CDK15: variants seen among roughly 807,000 people sequenced by gnomAD.
The protein encoded by CDK15 is cyclin dependent kinase 15.
CDK15 carries 62 observed loss-of-function variants against 60.3 expected under a neutral mutation model. The observed-to-expected ratio is 1.03, with a 90% confidence interval of 0.84 to 1.27. CDK15 has a LOEUF of 1.27. CDK15 is among the 50% of genes most tolerant of loss of function. The pLI is 0.00. For synonymous variants in CDK15, 194 were observed against 195.7 expected (o/e 0.99, Z 0.07); for missense variants, 541 against 527.8 (o/e 1.03, Z -0.25).
chr2:201,880,419 G>C lies in CDK15; in HGVS notation c.1198+252G>C, dbSNP rs940730495. On this transcript the variant is annotated intron_variant, in intron 12 of 13. Coordinates refer to ENST00000652192, the MANE Select transcript of CDK15 (RefSeq NM_001366386.2). ...ACAAGGACCTCTTTGTAATGGTCCA[G>C]ACATTTCACAGGTACACATTTACAC... Among the ~76,000 whole-genome samples, 8 of 152,336 alleles carry C rather than the reference G, an allele frequency of 5.3e-5. No homozygotes were observed. The East Asian group carries it at 1.3e-3, about 26-fold the overall frequency.
At chr2:201,875,315 G>A (rs1249890001) in intron 11 of CDK15, among the ~76,000 whole-genome samples, 2 of 152,178 alleles carry the variant, frequency 1.3e-5, no homozygotes, top group East Asian at 1.9e-4. Flanking sequence ...GGATGAGCAC[G>A]CTCTTAGGCT....
intron 10 of CDK15, among the ~76,000 whole-genome samples, chr2:201,864,981 T>G (rs1289546269): frequency 6.6e-6 from 1 of 152,042 alleles, no homozygotes; most frequent in Non-Finnish European, 1.5e-5. Flanking sequence ...GGGAACCCTG[T>G]GGGGCCAGTA....
intron 10 of CDK15, among the ~76,000 whole-genome samples, chr2:201,871,559 A>T (rs1311889253): frequency 6.6e-6 from 1 of 151,930 alleles, no homozygotes; most frequent in Non-Finnish European, 1.5e-5. Flanking sequence ...TAAGCTCTGC[A>T]GAGGTAGTGG....
chr2:201,817,984 C>T (rs1226209609), intron 4 of CDK15, among the ~76,000 whole-genome samples: 1 of 152,076 alleles, frequency 6.6e-6, no homozygotes, highest in Non-Finnish European at 1.5e-5. Context: ...ATTTATGATT[C>T]TCAGATCAAA....
intron 13 of CDK15, 120 bp from the exon 14 acceptor site, chr2:201,893,181 T>C (rs1699690758): frequency 6.6e-6 from 1 of 152,262 alleles, no homozygotes; most frequent in Non-Finnish European, 1.5e-5. Context: ...TGTTTTATCA[T>C]TACCTTTTCT....
chr2:201,846,962 A>T (rs1159109100), intron 8 of CDK15, among the ~76,000 whole-genome samples: 1 of 152,218 alleles, frequency 6.6e-6, no homozygotes, highest in African/African-American at 2.4e-5. Context: ...TAAAATGAAC[A>T]TTCTGATCAT....
chr2:201,812,616 A>G, intron 4 of CDK15, 54 bp downstream of exon 4: 1 of 1,198,922 alleles, frequency 8.3e-7, no homozygotes, highest in South Asian at 1.3e-5. Context: ...TTGATTTGGT[A>G]AAAAATGTAT....
At chr2:201,809,627 C>T (rs897798597) in intron 3 of CDK15, among the ~76,000 whole-genome samples, 2 of 152,160 alleles carry the variant, frequency 1.3e-5, no homozygotes, top group African/African-American at 2.4e-5. Flanking sequence ...GAATTATTGA[C>T]ATCTTTGCAT....
At chr2:201,811,246 G>T (rs1695752415) in intron 3 of CDK15, among the ~76,000 whole-genome samples, 1 of 151,336 alleles carries the variant, frequency 6.6e-6, no homozygotes, top group Non-Finnish European at 1.5e-5. Flanking sequence ...CGCCTCCCAG[G>T]TTCACGCCAT....
intron 8 of CDK15, among the ~76,000 whole-genome samples, chr2:201,837,488 AAGGAAGGAAGGAAGGAAGGAAG>A (rs1697179069): frequency 5.5e-5 from 8 of 144,162 alleles, no homozygotes; most frequent in South Asian, 2.4e-4. Context: ...GGAAGGAAGG[AAGGAAGGAAGGAAGGAAGGAAG>A]GAAAGAAGGA....
At chr2:201,888,672 T>G (rs1363435338) in intron 12 of CDK15, 3 of 1,343,492 alleles carry the variant, frequency 2.2e-6, no homozygotes, top group Non-Finnish European at 2.9e-6. Context: ...TGGAATCCTT[T>G]TGATTAACCG....
At chr2:201,839,728 T>C (rs1449985516) in intron 8 of CDK15, among the ~76,000 whole-genome samples, 2 of 151,992 alleles carry the variant, frequency 1.3e-5, no homozygotes, top group African/African-American at 4.8e-5. Flanking sequence ...TGACAAAATA[T>C]TGGCGATGGA....
chr2:201,809,715 A>C (rs774005630), intron 3 of CDK15, among the ~76,000 whole-genome samples: 11 of 152,160 alleles, frequency 7.2e-5, no homozygotes, highest in Non-Finnish European at 1.5e-4. Context: ...AAGACCCTAT[A>C]GAATCCCTAC....
intron 8 of CDK15, among the ~76,000 whole-genome samples, chr2:201,837,109 G>C (rs1559127062): frequency 2.0e-5 from 3 of 151,856 alleles, no homozygotes; most frequent in Admixed American, 6.6e-5. Context: ...ATCAGCCTGG[G>C]TAGCACAGTG....
intron 10 of CDK15, among the ~76,000 whole-genome samples, chr2:201,866,759 T>A: frequency 6.6e-6 from 1 of 152,190 alleles, no homozygotes; most frequent in East Asian, 1.9e-4. Context: ...CTCTCACTGA[T>A]CACTCACAGC....
intron 6 of CDK15, among the ~76,000 whole-genome samples, chr2:201,829,913 G>T (rs1425295605): frequency 6.6e-6 from 1 of 151,948 alleles, no homozygotes; most frequent in Admixed American, 6.6e-5. Context: ...GTTCAAGGGA[G>T]CCTCCTGCCT....
Position 201,872,295 on chromosome 2 carries a change from ACGCCT to A in CDK15, c.1030_1034del (p.Pro344LysfsTer14). ...CTTCCCAGAATGGTTCCCACTGCCT[ACGCCT>A]CGAAGCCTTCATGTTGTCTGGAACA... On this transcript the variant is annotated frameshift_variant, in exon 11 of 14. Coordinates refer to ENST00000652192, the MANE Select transcript of CDK15 (RefSeq NM_001366386.2). LOFTEE classifies it high-confidence loss of function. 6.2e-7 allele frequency: 1 copy of A among 1,614,078 alleles called. No individual in the cohort carries two copies. Among genetic ancestry groups the A allele is most frequent in the Non-Finnish European group, 8.5e-7 (1 of 1,180,000 alleles).
At chr2:201,854,017 C>T (rs1474391657) in intron 9 of CDK15, among the ~76,000 whole-genome samples, 1 of 151,914 alleles carries the variant, frequency 6.6e-6, no homozygotes, top group Non-Finnish European at 1.5e-5. Flanking sequence ...ACAACAACAA[C>T]AACAAAAATA....
At chr2:201,824,684 G>A in intron 6 of CDK15, 1 of 372,332 alleles carries the variant, frequency 2.7e-6, no homozygotes, top group Non-Finnish European at 4.8e-6. Context: ...AGTTCTAATG[G>A]AATGGTGAAC....
Sources: allele counts gnomAD v4.1 joint callset (sites outside exome capture counted in the v4.1 genomes callset), GRCh38; gene constraint gnomAD v4.1.1; transcripts MANE v1.5; gene names NCBI Gene and HGNC (gene_info 2026-07-23, HGNC 2026-07-21).